The following NRG3 variants were observed in gnomAD, a reference collection of about 807,000 sequenced individuals.
The protein encoded by NRG3 is pro-neuregulin-3, membrane-bound isoform.
In NRG3, 31 loss-of-function variants were observed where a neutral mutation model predicts 66.9. The observed-to-expected ratio is 0.46, with a 90% CI of 0.35 to 0.63. The LOEUF (loss-of-function observed/expected upper bound fraction) is 0.63. Ranked by LOEUF, NRG3 falls within the 20% of genes least tolerant of loss-of-function variation. The probability of loss-of-function intolerance (pLI) is 0.00; values close to 1 mark genes in which losing one functional copy is unlikely to be tolerated. For missense variants in NRG3, 910 were observed against 878.9 expected, an observed-to-expected ratio of 1.04 and a Z score of -0.45; for synonymous variants, 393 against 359.4, an observed-to-expected ratio of 1.09 and a Z score of -1.06.
intron 1 of NRG3, among the ~76,000 whole-genome samples, chr10:82,026,419 A>C (rs1329589670): frequency 6.6e-6 from 1 of 152,106 alleles, no homozygotes; most frequent in Non-Finnish European, 1.5e-5. Context: ...GGAGTGCTAG[A>C]AAAAGCTAAA....
intron 1 of NRG3, among the ~76,000 whole-genome samples, chr10:82,208,644 G>T (rs1764075): frequency 6.6e-6 from 1 of 151,872 alleles, no homozygotes; most frequent in South Asian, 2.1e-4. Context: ...TTTAAAACAC[G>T]TATGAGGGGA....
In NRG3 at chr10:82,655,136, G is replaced by A. The variant is rs2051736093; in HGVS notation, c.954-83441G>A. Among the ~76,000 whole-genome samples, 2 of 151,618 alleles carry A rather than the reference G, an allele frequency of 1.3e-5. 1 individual carries two copies. Among genetic ancestry groups the A allele is most frequent in the Admixed American group, 1.3e-4 (2 of 15,238 alleles). Reference sequence around the variant, plus strand: ...TCAGAATAAATTCCAAATGGATCAAGGATTTTCGTGTTAGAAATAGTACAG... The same window carrying A: ...TCAGAATAAATTCCAAATGGATCAAAGATTTTCGTGTTAGAAATAGTACAG... On this transcript the variant is annotated intron_variant, in intron 2 of 8. Transcript: ENST00000372141.
At chr10:82,567,725 T>C (rs1429995169) in intron 2 of NRG3, among the ~76,000 whole-genome samples, 3 of 151,986 alleles carry the variant, frequency 2.0e-5, no homozygotes, top group African/African-American at 7.2e-5. Context: ...TACTCCTTCA[T>C]TGAATTGTCC....
At chr10:82,112,977 G>A (rs2067482035) in intron 1 of NRG3, among the ~76,000 whole-genome samples, 1 of 152,098 alleles carries the variant, frequency 6.6e-6, no homozygotes, top group Admixed American at 6.5e-5. Context: ...CCCCCACACT[G>A]CTCCTGGTCT....
chr10:82,000,247 A>G (rs1460868658), intron 1 of NRG3, among the ~76,000 whole-genome samples: 1 of 152,198 alleles, frequency 6.6e-6, no homozygotes, highest in Non-Finnish European at 1.5e-5. Context: ...TACATTTTTG[A>G]ATTGATCCTT....
At chr10:82,102,133 C>CATATATATATATATATGTGTGTATTCAT (rs2066785130) in intron 1 of NRG3, among the ~76,000 whole-genome samples, 2 of 26,294 alleles carry the variant, frequency 7.6e-5, no homozygotes, top group South Asian at 3.2e-3. Flanking sequence ...TATGTGTATT[C>CATATATATATATATATGTGTGTATTCAT]ATATATATAT....
intron 2 of NRG3, among the ~76,000 whole-genome samples, chr10:82,711,651 C>T (rs2056675074): frequency 1.3e-5 from 2 of 151,822 alleles, no homozygotes; most frequent in Admixed American, 1.3e-4. Context: ...TTCCTTTCCC[C>T]TCTGACTTCT....
intron 1 of NRG3, among the ~76,000 whole-genome samples, chr10:81,895,554 A>G (rs1348884370): frequency 6.6e-6 from 1 of 152,130 alleles, no homozygotes; most frequent in Non-Finnish European, 1.5e-5. Flanking sequence ...AAAATCAGCA[A>G]TTAGAATCAG....
At chr10:82,967,150 T>A (rs1410388628) in intron 6 of NRG3, among the ~76,000 whole-genome samples, 1 of 148,722 alleles carries the variant, frequency 6.7e-6, no homozygotes, top group Non-Finnish European at 1.5e-5. Context: ...TATATATATA[T>A]ATGTATATTT....
At chr10:82,970,554 G>A (rs1343690869) in intron 6 of NRG3, among the ~76,000 whole-genome samples, 1 of 152,098 alleles carries the variant, frequency 6.6e-6, no homozygotes, top group Non-Finnish European at 1.5e-5. Context: ...ATTTTTCTGT[G>A]AAATTCTTGT....
At chr10:82,522,435 G>A (rs760933202) in intron 2 of NRG3, among the ~76,000 whole-genome samples, 39 of 152,032 alleles carry the variant, frequency 2.6e-4, no homozygotes, top group Non-Finnish European at 4.6e-4. Flanking sequence ...TTCTAAGTAC[G>A]TGGTTTGTGG....
chr10:82,352,182 T>C (rs950220625), intron 1 of NRG3, among the ~76,000 whole-genome samples: 7 of 152,194 alleles, frequency 4.6e-5, no homozygotes, highest in South Asian at 4.1e-4. Flanking sequence ...GGAATACATA[T>C]ACCCACATAC....
chr10:82,203,349 G>A (rs1034494461), intron 1 of NRG3, among the ~76,000 whole-genome samples: 4 of 152,060 alleles, frequency 2.6e-5, no homozygotes, highest in Non-Finnish European at 5.9e-5. Flanking sequence ...CATCAAACAC[G>A]CCTCCTAGTA....
chr10:82,351,821 G>A (rs577022196), intron 1 of NRG3, among the ~76,000 whole-genome samples: 7 of 152,224 alleles, frequency 4.6e-5, no homozygotes, highest in Non-Finnish European at 5.9e-5. Flanking sequence ...CCACAAAAAT[G>A]TATAAGTATG....
chr10:82,272,004 T>C (rs1332059424), intron 1 of NRG3, among the ~76,000 whole-genome samples: 2 of 152,216 alleles, frequency 1.3e-5, no homozygotes, highest in East Asian at 3.9e-4. Context: ...AAACCTACTA[T>C]TCTACTGGAG....
chr10:81,991,894 TC>T (rs974015411), intron 1 of NRG3, among the ~76,000 whole-genome samples: 2 of 152,110 alleles, frequency 1.3e-5, no homozygotes, highest in African/African-American at 4.8e-5. Context: ...ACCAATAATT[TC>T]CATAATTATT....
intron 1 of NRG3, among the ~76,000 whole-genome samples, chr10:82,278,857 C>T (rs897056465): frequency 6.6e-6 from 1 of 152,120 alleles, no homozygotes; most frequent in African/African-American, 2.4e-5. Flanking sequence ...TCCTCTTCGC[C>T]TTGACAACTT....
chr10:82,642,962 T>A (rs1215945328), intron 2 of NRG3, among the ~76,000 whole-genome samples: 2 of 152,092 alleles, frequency 1.3e-5, no homozygotes, highest in East Asian at 3.9e-4. Flanking sequence ...TGTGTATGGA[T>A]AAAGTGATAT....
At chr10:82,209,042 T>C (rs955101874) in intron 1 of NRG3, among the ~76,000 whole-genome samples, 1 of 152,066 alleles carries the variant, frequency 6.6e-6, no homozygotes, top group African/African-American at 2.4e-5. Context: ...AAGAGAAACA[T>C]TGATTACTCA....
Sources: allele counts gnomAD v4.1 joint callset (sites outside exome capture counted in the v4.1 genomes callset), GRCh38; gene constraint gnomAD v4.1.1; transcripts MANE v1.5; gene names NCBI Gene and HGNC (gene_info 2026-07-23, HGNC 2026-07-21).